Variants in MMADHC observed in about 807,000 individuals in gnomAD.
MMADHC encodes metabolism of cobalamin associated D.
Under a neutral mutation model 36.3 loss-of-function variants are expected in MMADHC, and 23 were observed. That is an observed-to-expected ratio of 0.63 (90% confidence interval 0.46 to 0.90). The LOEUF (loss-of-function observed/expected upper bound fraction) is 0.90. MMADHC is among the 40% of genes least tolerant of loss of function. MMADHC has a pLI of 0.00. For missense variants in MMADHC, 330 were observed against 348.0 expected (o/e 0.95, Z 0.41); for synonymous variants, 97 against 116.1 (o/e 0.84, Z 1.06).
chr2:149,587,582 T>G (rs939365825), intron 1 of MMADHC, 82 bp downstream of exon 1: 1 of 198,444 alleles, frequency 5.0e-6, no homozygotes, highest in Non-Finnish European at 1.1e-5. Flanking sequence ...AGGGACCCAG[T>G]GAAAATACGG....
intron 6 of MMADHC, among the ~76,000 whole-genome samples, chr2:149,574,146 G>A (rs193193685): frequency 1.8e-4 from 28 of 152,216 alleles, no homozygotes; most frequent in Non-Finnish European, 2.2e-4. Context: ...CTATACTGGA[G>A]TCAGTATCAA....
At chr2:149,584,348 C>T (rs1682832940) in intron 2 of MMADHC, among the ~76,000 whole-genome samples, 1 of 152,146 alleles carries the variant, frequency 6.6e-6, no homozygotes, top group Non-Finnish European at 1.5e-5. Flanking sequence ...ATAGTAAGTG[C>T]TGTACATATA....
At chr2:149,580,790 C>T (rs1682783284) in intron 3 of MMADHC, among the ~76,000 whole-genome samples, 2 of 152,110 alleles carry the variant, frequency 1.3e-5, no homozygotes, top group Admixed American at 1.3e-4. Flanking sequence ...TCAAGATTCT[C>T]AACATAAACA....
intron 7 of MMADHC, among the ~76,000 whole-genome samples, 190 bp downstream of exon 7, chr2:149,570,895 G>A (rs997260905): frequency 2.0e-5 from 3 of 152,246 alleles, no homozygotes; most frequent in African/African-American, 7.2e-5. Flanking sequence ...TAAAGTGATG[G>A]AGAAACTTAA....
chr2:149,577,566 C>A (rs781723704), intron 4 of MMADHC, among the ~76,000 whole-genome samples: 4 of 152,114 alleles, frequency 2.6e-5, no homozygotes, highest in Non-Finnish European at 5.9e-5. Context: ...CCTGTAATCC[C>A]TGCTCGTTGG....
Position 149,579,412 on chromosome 2 carries a change from A to C in MMADHC, c.372+19T>G. ...CATTAATAATCAGGAAAGCACAATA[A>C]ATGTTACCAACAATTTACCTGAAAT... On this transcript the variant is annotated intron_variant, in intron 4 of 7. Coordinates refer to ENST00000303319, the MANE Select transcript of MMADHC (RefSeq NM_015702.3). The C allele has an allele frequency of 6.3e-7, 1 of 1,592,578 alleles. No homozygotes were observed. Among genetic ancestry groups the C allele is most frequent in the East Asian group, 2.2e-5 (1 of 44,756 alleles).
At chr2:149,572,660 G>A (rs1329716615) in intron 6 of MMADHC, among the ~76,000 whole-genome samples, 1 of 152,088 alleles carries the variant, frequency 6.6e-6, no homozygotes, top group Non-Finnish European at 1.5e-5. Flanking sequence ...ACCTGGCAAG[G>A]TACTGGAAAA....
chr2:149,578,499 G>A (rs972896383), intron 4 of MMADHC, among the ~76,000 whole-genome samples: 36 of 152,120 alleles, frequency 2.4e-4, no homozygotes, highest in African/African-American at 7.5e-4. Flanking sequence ...TATAGAACTG[G>A]AAATGTCAGA....
Position 149,579,477 on chromosome 2 carries a change from C to T in MMADHC, c.326G>A (p.Ser109Asn). The T allele has an allele frequency of 6.2e-7, 1 of 1,612,514 alleles. No individual in the cohort carries two copies. The highest frequency in any genetic ancestry group is 1.3e-5 in the African/African-American group (1 of 74,984). ...LPDVLAEPLS[S>N]ERHEFVMAQY... ...TGCCATCACAAACTCATGTCTTTCA[C>T]TTGATAAAGGTTCTGCTAGAACATC... The change falls in exon 4 of 8, where the codon AGT (serine) becomes AAT (asparagine). Residue 109 changes from serine to asparagine, a missense_variant. Coordinates refer to ENST00000303319, the MANE Select transcript of MMADHC (RefSeq NM_015702.3).
Position 149,579,627 on chromosome 2 carries a change from T to G in MMADHC, c.176A>C (p.Asp59Ala). ...PDICSRTVWP[D>A]ETMGPFGPQD... Reference sequence around the variant, plus strand: ...AGGTCCAAAGGGTCCCATAGTTTCATCAGGCCACACTGTTCGAGAGCCTGA... The same window carrying G: ...AGGTCCAAAGGGTCCCATAGTTTCAGCAGGCCACACTGTTCGAGAGCCTGA... The change falls in exon 4 of 8, where the codon GAT becomes GCT. Residue 59 changes from aspartate (D) to alanine (A), a missense_variant. Transcript: ENST00000303319. The G allele has an allele frequency of 1.2e-6, 2 of 1,613,950 alleles. No homozygotes were observed. Among genetic ancestry groups the G allele is most frequent in the South Asian group, 2.2e-5 (2 of 91,078 alleles).
chr2:149,575,742 ACTT>A lies in MMADHC; in HGVS notation c.575_577del (p.Glu192del), dbSNP rs779743390. On this transcript the variant is annotated inframe_deletion, in exon 6 of 8. Coordinates refer to ENST00000303319, the MANE Select transcript of MMADHC (RefSeq NM_015702.3). ...TAAGAGCACTTCTCTTTCAATTTCT[ACTT>A]CTTCACTCCAAACAGTCATATCATT... The A allele has an allele frequency of 2.5e-6, 4 of 1,604,190 alleles. No homozygotes were observed. The highest frequency in any genetic ancestry group is 3.4e-6 in the Non-Finnish European group (4 of 1,175,336).
intron 6 of MMADHC, among the ~76,000 whole-genome samples, chr2:149,574,315 T>C (rs1318299040): frequency 6.6e-5 from 10 of 152,216 alleles, no homozygotes; most frequent in Non-Finnish European, 1.2e-4. Context: ...TATAACTCCC[T>C]TGTTAATTAG....
rs1305114337 is a variant in MMADHC, at chr2:149,576,505, G to T, written c.410C>A (p.Ala137Glu). 1 of 1,613,582 alleles carries T rather than the reference G, an allele frequency of 6.2e-7. No homozygotes were observed. The highest frequency in any genetic ancestry group is 1.1e-5 in the South Asian group (1 of 91,070). The change falls in exon 5 of 8, where the codon GCA becomes GAA. Residue 137 changes from alanine (A) to glutamate (E), a missense_variant. Physicochemically the swap from Ala to Glu is moderately radical, Grantham distance 107 (BLOSUM62 -1). Transcript: ENST00000303319. ...TCTGGCACTTTCAAAGTAAGTTTCT[G>T]CACTGTTAATTTCTTGTTCAACAGG... ...DAPVEQEINS[A>E]ETYFESARVE... is the part of the protein sequence containing the mutation.
chr2:149,570,048 G>A lies in MMADHC; in HGVS notation c.817C>T (p.His273Tyr), dbSNP rs1682615222. 6.2e-7 allele frequency: 1 copy of A among 1,613,492 alleles called. No individual in the cohort carries two copies. The highest frequency in any genetic ancestry group is 1.7e-5 in the Admixed American group (1 of 59,994). Reference protein sequence around the residue: ...KVIRHSLWGTHVVVGSIFTNA... With the variant: ...KVIRHSLWGTYVVVGSIFTNA... Reference sequence around the variant, plus strand: ...GTGAAGATACTCCCTACAACTACATGGGTACCCCAGAGACTATGACGAATC... The same window carrying A: ...GTGAAGATACTCCCTACAACTACATAGGTACCCCAGAGACTATGACGAATC... Residue 273 changes from histidine to tyrosine, a missense_variant, in exon 8 of 8, where the codon CAT (histidine) becomes TAT (tyrosine). By Grantham distance (83) the His-to-Tyr change is moderately conservative. Coordinates refer to ENST00000303319, the MANE Select transcript of MMADHC (RefSeq NM_015702.3).
chr2:149,571,077 T>C lies in MMADHC; in HGVS notation c.696+8A>G. 3.1e-6 allele frequency: 5 copies of C among 1,587,616 alleles called. No individual in the cohort carries two copies. Among genetic ancestry groups the C allele is most frequent in the Non-Finnish European group, 4.3e-6 (5 of 1,156,162 alleles). On this transcript the variant is annotated splice_region_variant and intron_variant, in intron 7 of 7. Coordinates refer to ENST00000303319, the MANE Select transcript of MMADHC (RefSeq NM_015702.3). ...ATATAATCTGATTTTCAAATGATAA[T>C]TACTCACTGCCAAACCAGATGATGG...
intron 3 of MMADHC, 65 bp downstream of exon 3, chr2:149,582,062 G>C: frequency 1.3e-6 from 2 of 1,568,350 alleles, no homozygotes; most frequent in Non-Finnish European, 1.8e-6. Context: ...AGAAATATTA[G>C]AGGAAAATAC....
intron 3 of MMADHC, 136 bp from the exon 4 acceptor site, chr2:149,579,784 AAT>A (rs1682770818): frequency 1.3e-6 from 1 of 799,854 alleles, no homozygotes; most frequent in Admixed American, 2.8e-5. Flanking sequence ...TGTGAATATA[AAT>A]AGTTTCCTAT....
chr2:149,582,740 T>C (rs983879392), intron 2 of MMADHC, among the ~76,000 whole-genome samples: 3 of 152,232 alleles, frequency 2.0e-5, no homozygotes, highest in Non-Finnish European at 4.4e-5. Context: ...TGTGGTTTCA[T>C]GGCAATGTCT....
chr2:149,579,536 T>C lies in MMADHC; in HGVS notation c.267A>G (p.Ser89=). 6.2e-7 allele frequency: 1 copy of C among 1,613,782 alleles called. No individual in the cohort carries two copies. Among genetic ancestry groups the C allele is most frequent in the Non-Finnish European group, 8.5e-7 (1 of 1,179,976 alleles). The stretch of plus-strand genomic sequence containing the variant: ...TTTTATGAACCAGGCTTTTCTTCTG[T>C]GAAGCAGTCCCATTGAGGTGACAAT... The part of the protein sequence containing the change: ...GFDCHLNGTA[S]QKKSLVHKTL... Residue 89 remains serine (S), a synonymous_variant, in exon 4 of 8, where the codon TCA becomes TCG. Transcript: ENST00000303319.
Sources: gnomAD v4.1 joint callset for allele counts (sites outside exome capture counted in the v4.1 genomes callset) on GRCh38, gnomAD v4.1.1 for gene constraint, MANE v1.5 for transcripts, NCBI Gene and HGNC (gene_info 2026-07-23, HGNC 2026-07-21) for gene names.